Variants in CTBP1 observed in about 807,000 individuals in gnomAD.
The protein encoded by CTBP1 is C-terminal binding protein 1.
A neutral mutation model predicts 42.1 loss-of-function variants in CTBP1; 11 were observed. The observed-to-expected ratio is 0.26, with a 90% CI of 0.16 to 0.43. The LOEUF (loss-of-function observed/expected upper bound fraction) is 0.43, where lower values mean the gene tolerates loss of function less well. CTBP1 is among the 20% of genes least tolerant of loss of function. The pLI, the probability that CTBP1 is intolerant of heterozygous loss-of-function variation, is 1.00. For missense variants in CTBP1, 399 were observed against 624.3 expected, an observed-to-expected ratio of 0.64 and a Z score of 3.85; for synonymous variants, 324 against 277.1, an observed-to-expected ratio of 1.17 and a Z score of -1.68.
chr4:1,244,784 C>G (rs933160108), intron 1 of CTBP1: 1 of 985,312 alleles, frequency 1.0e-6, no homozygotes, highest in African/African-American at 1.7e-5. Context: ...GAGTCCCCGG[C>G]AGCCATCTGG....
chr4:1,237,073 G>T, intron 3 of CTBP1: 1 of 630,666 alleles, frequency 1.6e-6, no homozygotes, highest in South Asian at 1.6e-5. Flanking sequence ...GGGGCTCAGG[G>T]AAAACCCCGT....
At chr4:1,232,633 T>C (rs985092021) in intron 3 of CTBP1, among the ~76,000 whole-genome samples, 32 of 152,226 alleles carry the variant, frequency 2.1e-4, no homozygotes, top group Admixed American at 1.4e-3. Context: ...TTACTTCTAA[T>C]TGCCATTTAA....
At chr4:1,215,039 C>T (rs922171125) in intron 6 of CTBP1, among the ~76,000 whole-genome samples, 1 of 152,208 alleles carries the variant, frequency 6.6e-6, no homozygotes, top group Non-Finnish European at 1.5e-5. Flanking sequence ...CATTTCATTC[C>T]AAGAAGTCCA....
Position 1,212,112 on chromosome 4 carries a change from G to A in CTBP1, c.*128C>T, listed in dbSNP as rs978415667. On this transcript the variant is annotated 3_prime_UTR_variant, in exon 10 of 10. Coordinates refer to ENST00000382952, the MANE Select transcript of CTBP1 (RefSeq NM_001012614.2). ...ACGAGGCCCAGCGCTGCCCCCTCCC[G>A]CCTCCTGACAGCCCGGACCAGTCTC... 4.9e-5 allele frequency: 37 copies of A among 761,488 alleles called. No individual in the cohort carries two copies. In the African/African-American group the frequency reaches 5.0e-4, roughly 10 times the overall value. The allele number at this position is 761,488 out of a possible 1,614,324, so 47.2% of individuals were successfully genotyped here. A position where few individuals can be genotyped will look rare whatever the true frequency, so the allele number is the denominator to read the frequency against.
In CTBP1 at chr4:1,216,651, A is replaced by C. The variant is rs1051672505; in HGVS notation, c.515-446T>G. On this transcript the variant is annotated intron_variant, in intron 5 of 9. Coordinates refer to ENST00000382952, the MANE Select transcript of CTBP1 (RefSeq NM_001012614.2). The stretch of plus-strand genomic sequence containing the variant: ...CCAGCCACCACTACGTGGAGACGGC[A>C]AAGGGGGCAGGAGGGAAACTTCCAG... 8 of 231,498 alleles carry C rather than the reference A, an allele frequency of 3.5e-5. No individual in the cohort carries two copies. The South Asian group carries it at 4.8e-4, about 14-fold the overall frequency. The allele number at this position is 231,498 out of a possible 1,614,324, so 14.3% of individuals were successfully genotyped here. A position where few individuals can be genotyped will look rare whatever the true frequency, so the allele number is the denominator to read the frequency against.
At chr4:1,230,593 C>G (rs573785144) in intron 3 of CTBP1, among the ~76,000 whole-genome samples, 2 of 152,278 alleles carry the variant, frequency 1.3e-5, no homozygotes, top group South Asian at 4.1e-4. Flanking sequence ...TGCAGAGGCT[C>G]GGCATGGACA....
At chr4:1,222,004 C>A (rs1283943238) in intron 5 of CTBP1, among the ~76,000 whole-genome samples, 2 of 152,330 alleles carry the variant, frequency 1.3e-5, no homozygotes, top group Admixed American at 6.5e-5. Flanking sequence ...CCACACGCTG[C>A]CCAGGGCTTC....
chr4:1,244,362 G>GGC, intron 1 of CTBP1: 2 of 983,972 alleles, frequency 2.0e-6, no homozygotes, highest in Non-Finnish European at 2.4e-6. Flanking sequence ...ACTGGGGGGG[G>GGC]GGTGTTCCAG....
chr4:1,231,627 G>A (rs1197865766), intron 3 of CTBP1, among the ~76,000 whole-genome samples: 1 of 152,212 alleles, frequency 6.6e-6, no homozygotes, highest in Non-Finnish European at 1.5e-5. Flanking sequence ...ACTCGACGTC[G>A]CACTTACCTT....
In CTBP1 at chr4:1,238,826, C is replaced by T. The variant is rs1731854232; in HGVS notation, c.8-489G>A. On this transcript the variant is annotated intron_variant, in intron 2 of 9. Coordinates refer to ENST00000382952, the MANE Select transcript of CTBP1 (RefSeq NM_001012614.2). This position sits in a 1 kb window ranked among gnomAD's most constrained non-coding sequence, Gnocchi z 5.9. ...TGAGACCCCCCGAGACCCTCCCAGA[C>T]CGTCCGAGACCCCAGGGCAGCTCCA... 2.6e-5 allele frequency among the ~76,000 whole-genome samples: 4 copies of T among 151,780 alleles called. No individual in the cohort carries two copies. The highest frequency in any genetic ancestry group is 2.6e-4 in the Admixed American group (4 of 15,246).
chr4:1,212,258 G>T lies in CTBP1; in HGVS notation c.1272C>A (p.His424Gln). Residue 424 changes from histidine to glutamine, a missense_variant, in exon 10 of 10, where the codon CAC becomes CAA. Around this residue, in one of 4 missense-constraint regions of CTBP1, gnomAD observed 60 missense variants for 46.5 expected, o/e 1.29. Coordinates refer to ENST00000382952, the MANE Select transcript of CTBP1 (RefSeq NM_001012614.2). ...TCCCGGGCTACAACTGGTCACTGGC[G>T]TGGTCTCTATCCGCCTCGGGCTTGA... ...QTVKPEADRDHASDQL is the reference protein window; with the variant it reads ...QTVKPEADRDQASDQL 1 of 1,519,294 alleles carries T rather than the reference G, an allele frequency of 6.6e-7. No individual in the cohort carries two copies. The highest frequency in any genetic ancestry group is 8.8e-7 in the Non-Finnish European group (1 of 1,134,492). 94.1% of individuals were successfully genotyped at this position (1,519,294 alleles called of 1,614,324 possible).
chr4:1,213,946 G>A (rs923870301), intron 7 of CTBP1: 1 of 407,942 alleles, frequency 2.5e-6, no homozygotes, highest in Non-Finnish European at 4.4e-6. Context: ...CTGTGGGGGT[G>A]TCTCCTCTTG....
rs779524381 is a variant in CTBP1 at position 1,222,859 on chromosome 4, G to A, written c.514+2501C>T. ...CGACCCCAGGAGAGACAGGACACATGACTCTGGGGGCAACACACCCACCTA... is the reference window on the plus strand; with the variant it reads ...CGACCCCAGGAGAGACAGGACACATAACTCTGGGGGCAACACACCCACCTA... On this transcript the variant is annotated intron_variant, in intron 5 of 9. Transcript: ENST00000382952. 1.2e-4 allele frequency among the ~76,000 whole-genome samples: 19 copies of A among 152,004 alleles called. 1 individual carries two copies. The highest frequency in any genetic ancestry group is 2.5e-4 in the Non-Finnish European group (17 of 67,992).
In CTBP1 at chr4:1,216,155, C is replaced by G; in HGVS notation, c.565G>C (p.Val189Leu). 6.2e-7 allele frequency: 1 copy of G among 1,611,010 alleles called. No homozygotes were observed. The highest frequency in any genetic ancestry group is 2.2e-5 in the East Asian group (1 of 44,874). Residue 189 changes from valine (V) to leucine (L), a missense_variant, in exon 6 of 10, where the codon GTG becomes CTG. Around this residue, in one of 4 missense-constraint regions of CTBP1, gnomAD observed 309 missense variants for 497.5 expected, o/e 0.62. Transcript: ENST00000382952. ...GACAAGTAAGGGTCGTAGAAGAGCA[C>G]GTTGAAGCCGAAGGCCTTGGCCCGC... ...ALRAKAFGFN[V>L]LFYDPYLSDG...
At chr4:1,247,751 G>T (rs1732869974) in intron 1 of CTBP1, among the ~76,000 whole-genome samples, 1 of 141,002 alleles carries the variant, frequency 7.1e-6, no homozygotes, top group African/African-American at 2.6e-5. Flanking sequence ...CTACAGAAAC[G>T]GTGGAGAGGC....
intron 6 of CTBP1, 101 bp from the exon 7 acceptor site, chr4:1,214,574 C>G: frequency 7.2e-7 from 1 of 1,398,558 alleles, no homozygotes; most frequent in Non-Finnish European, 9.4e-7. Context: ...AGGCCCAGCT[C>G]CCTAGCCCCT....
chr4:1,239,182 C>T (rs1210879408), intron 2 of CTBP1, among the ~76,000 whole-genome samples: 2 of 152,226 alleles, frequency 1.3e-5, no homozygotes, highest in East Asian at 1.9e-4. Context: ...TAAGCCTCAT[C>T]GGGGCCAACT....
intron 1 of CTBP1, 121 bp downstream of exon 1, chr4:1,248,795 G>A (rs2108816078): frequency 1.1e-6 from 1 of 941,466 alleles, no homozygotes; most frequent in Non-Finnish European, 1.3e-6. Flanking sequence ...ACGCGCACTC[G>A]CACACAAAGC....
chr4:1,237,211 G>C, intron 3 of CTBP1: 2 of 672,244 alleles, frequency 3.0e-6, no homozygotes, highest in Non-Finnish European at 5.4e-6. Context: ...ATGGGGCACA[G>C]GGCAAACCGA....
Sources: allele counts gnomAD v4.1 joint callset (sites outside exome capture counted in the v4.1 genomes callset), GRCh38; gene constraint gnomAD v4.1.1; regional missense constraint gnomAD v4.1.1; non-coding constraint Gnocchi (gnomAD v3.1); transcripts MANE v1.5; gene names NCBI Gene and HGNC (gene_info 2026-07-23, HGNC 2026-07-21).